The following SLC39A11 variants were observed in gnomAD, a reference collection of about 807,000 sequenced individuals.
SLC39A11 encodes zinc transporter ZIP11.
In SLC39A11, 33 loss-of-function variants were observed where a neutral mutation model predicts 36.1. The ratio of observed to expected loss-of-function variants is 0.91; its 90% confidence interval spans 0.69 to 1.22. The LOEUF is 1.22. SLC39A11 is among the 50% of genes most tolerant of loss of function. The pLI, the probability that SLC39A11 is intolerant of heterozygous loss-of-function variation, is 0.00. For synonymous variants in SLC39A11, 166 were observed against 170.3 expected (o/e 0.97, Z 0.20); for missense variants, 432 against 430.3 (o/e 1.00, Z -0.03).
At chr17:72,851,545 T>G (rs1320040521) in intron 5 of SLC39A11, among the ~76,000 whole-genome samples, 1 of 152,226 alleles carries the variant, frequency 6.6e-6, no homozygotes. Flanking sequence ...AGGCTGTACT[T>G]TGAGTTGCTT....
chr17:73,033,585 A>C (rs1453131263), intron 3 of SLC39A11, among the ~76,000 whole-genome samples: 1 of 152,150 alleles, frequency 6.6e-6, no homozygotes, highest in Non-Finnish European at 1.5e-5. Context: ...TCTTAAAAAT[A>C]AGAAGCTCTC....
intron 2 of SLC39A11, among the ~76,000 whole-genome samples, chr17:73,086,560 C>T (rs2060735887): frequency 6.6e-6 from 1 of 152,204 alleles, no homozygotes; most frequent in South Asian, 2.1e-4. Flanking sequence ...TGGTGCACAC[C>T]TGTAATCCCA....
chr17:72,937,732 G>T (rs927388597), intron 5 of SLC39A11, among the ~76,000 whole-genome samples: 6 of 152,260 alleles, frequency 3.9e-5, no homozygotes, highest in African/African-American at 1.4e-4. Context: ...GTACGACAGG[G>T]CCTTCCCTAC....
Position 72,846,850 on chromosome 17 carries a change from A to G in SLC39A11, c.601+2784T>C, listed in dbSNP as rs75357673. Among the ~76,000 whole-genome samples the G allele has an allele frequency of 7.5e-3, 1,141 of 152,322 alleles. 9 individuals carry two copies. Among genetic ancestry groups the G allele is most frequent in the African/African-American group, 0.026 (1,079 of 41,572 alleles). ...TAAAGAAGGGGTCATAAATGGCAGA[A>G]AGACAGCTACTATTATGAATGAAAA... On this transcript the variant is annotated intron_variant, in intron 6 of 9. Coordinates refer to ENST00000255559, the MANE Select transcript of SLC39A11 (RefSeq NM_139177.4).
intron 3 of SLC39A11, among the ~76,000 whole-genome samples, chr17:73,037,988 C>T (rs1484861836): frequency 6.6e-6 from 1 of 152,202 alleles, no homozygotes; most frequent in African/African-American, 2.4e-5. Context: ...TTTGGGAGGC[C>T]GAGGCAGGCG....
In SLC39A11 at chr17:72,649,273, A is replaced by G. The variant is rs1471745950; in HGVS notation, c.672-5T>C. ...CCGATTCCAATGGCCAAATTCCTGA[A>G]AAACCAAGAAAGCACATGAAGGCTG... On this transcript the variant is annotated splice_polypyrimidine_tract_variant and splice_region_variant and intron_variant, in intron 7 of 9. Transcript: ENST00000255559. 6.2e-7 allele frequency: 1 copy of G among 1,613,602 alleles called. No individual in the cohort carries two copies. The highest frequency in any genetic ancestry group is 8.5e-7 in the Non-Finnish European group (1 of 1,179,728).
intron 5 of SLC39A11, among the ~76,000 whole-genome samples, chr17:72,881,448 A>C (rs2081192948): frequency 6.6e-6 from 1 of 152,206 alleles, no homozygotes; most frequent in Non-Finnish European, 1.5e-5. Flanking sequence ...CACTAAAGCT[A>C]TTTAAAATGT....
intron 4 of SLC39A11, among the ~76,000 whole-genome samples, chr17:73,029,298 A>G (rs1017081194): frequency 1.3e-5 from 2 of 152,006 alleles, no homozygotes; most frequent in African/African-American, 4.8e-5. Flanking sequence ...CCAAGAGACT[A>G]TCTTGGAAGC....
rs117155819 is a variant in SLC39A11, at chr17:72,798,915, C to G, written c.601+50719G>C. ...GGCATCTTTGGGAAGGAAGGCAGGC[C>G]CAGATGTAGAGAATTGAGAAGAGAG... On this transcript the variant is annotated intron_variant, in intron 6 of 9. Transcript: ENST00000255559. Among the ~76,000 whole-genome samples the G allele has an allele frequency of 1.5e-3, 222 of 151,896 alleles. 4 individuals are homozygous for G. In the East Asian group the frequency reaches 0.042, roughly 29 times the overall value.
Position 72,744,973 on chromosome 17 carries a change from C to T in SLC39A11, c.602-8254G>A, listed in dbSNP as rs572726635. Among the ~76,000 whole-genome samples the T allele has an allele frequency of 2.7e-3, 418 of 152,310 alleles. 4 individuals are homozygous for T. Among genetic ancestry groups the T allele is most frequent in the African/African-American group, 9.8e-3 (407 of 41,572 alleles). On this transcript the variant is annotated intron_variant, in intron 6 of 9. Transcript: ENST00000255559. ...TCTCCTGCCTCAACCTCCTGAGTAG[C>T]TGGGATTACAGGTGCGCACCACCAG... is the stretch of plus-strand genomic sequence containing the variant.
At chr17:72,885,029 G>A (rs2081378964) in intron 5 of SLC39A11, among the ~76,000 whole-genome samples, 1 of 152,172 alleles carries the variant, frequency 6.6e-6, no homozygotes, top group Non-Finnish European at 1.5e-5. Context: ...GCACTTGAAT[G>A]ATTTGTGTCT....
intron 4 of SLC39A11, among the ~76,000 whole-genome samples, chr17:73,016,268 T>G (rs955365811): frequency 3.3e-5 from 5 of 152,076 alleles, no homozygotes; most frequent in African/African-American, 1.2e-4. Flanking sequence ...CTGATAAAAG[T>G]AAAGATTCCT....
chr17:72,784,947 C>T (rs1428550645), intron 6 of SLC39A11, among the ~76,000 whole-genome samples: 1 of 151,820 alleles, frequency 6.6e-6, no homozygotes, highest in Non-Finnish European at 1.5e-5. Flanking sequence ...GCAACCTCCA[C>T]CTCCCAGGTT....
chr17:72,840,231 G>C (rs1283410718), intron 6 of SLC39A11, among the ~76,000 whole-genome samples: 2 of 152,196 alleles, frequency 1.3e-5, no homozygotes, highest in Admixed American at 1.3e-4. Context: ...ACTGTTGTGT[G>C]GTTCTAGCAA....
chr17:72,956,057 G>A (rs942549035), intron 4 of SLC39A11, among the ~76,000 whole-genome samples: 1 of 152,094 alleles, frequency 6.6e-6, no homozygotes, highest in African/African-American at 2.4e-5. Flanking sequence ...TAGTCAGAGT[G>A]GGACAGCCTA....
chr17:72,664,703 C>T (rs1489710632), intron 7 of SLC39A11, among the ~76,000 whole-genome samples: 1 of 152,216 alleles, frequency 6.6e-6, no homozygotes, highest in Non-Finnish European at 1.5e-5. Context: ...GCAGTGGCTC[C>T]CCATTCCACT....
In SLC39A11 at chr17:72,967,231, G is replaced by A. The variant is rs116469774; in HGVS notation, c.307-19356C>T. On this transcript the variant is annotated intron_variant, in intron 4 of 9. Coordinates refer to ENST00000255559, the MANE Select transcript of SLC39A11 (RefSeq NM_139177.4). ...ATCATCCCACAACCATCCATCCCCCGCTCTGTAGAAAAATTGTCTTCCATG... is the reference window on the plus strand; with the variant it reads ...ATCATCCCACAACCATCCATCCCCCACTCTGTAGAAAAATTGTCTTCCATG... Among the ~76,000 whole-genome samples, 789 of 152,168 alleles carry A rather than the reference G, an allele frequency of 5.2e-3. 8 individuals are homozygous for A. The highest frequency in any genetic ancestry group is 0.018 in the African/African-American group (727 of 41,512).
intron 5 of SLC39A11, among the ~76,000 whole-genome samples, chr17:72,867,138 T>C (rs951776967): frequency 1.3e-5 from 2 of 152,078 alleles, no homozygotes; most frequent in African/African-American, 4.8e-5. Flanking sequence ...CTCTGATTGG[T>C]AGGGAGGAGG....
intron 6 of SLC39A11, among the ~76,000 whole-genome samples, chr17:72,793,899 C>T (rs759969993): frequency 6.6e-6 from 1 of 152,206 alleles, no homozygotes; most frequent in Non-Finnish European, 1.5e-5. Context: ...TCTCCCCCTT[C>T]ACAGCAAGGC....
Sources: gnomAD v4.1 joint callset for allele counts (sites outside exome capture counted in the v4.1 genomes callset) on GRCh38, gnomAD v4.1.1 for gene constraint, MANE v1.5 for transcripts, NCBI Gene and HGNC (gene_info 2026-07-23, HGNC 2026-07-21) for gene names.